Variants in CFDP1 observed in about 807,000 individuals in gnomAD.
CFDP1 encodes the protein heterochromatin-stabilizing protein CFDP1.
Under a neutral mutation model 40.1 loss-of-function variants are expected in CFDP1, and 31 were observed. The observed-to-expected ratio is 0.77, with a 90% CI of 0.58 to 1.04. The LOEUF (loss-of-function observed/expected upper bound fraction) is 1.04. Ranked by LOEUF, CFDP1 falls within the 50% of genes least tolerant of loss-of-function variation. The pLI, the probability that CFDP1 is intolerant of heterozygous loss-of-function variation, is 0.00. For synonymous variants in CFDP1, 167 were observed against 120.0 expected (o/e 1.39, Z -2.56); for missense variants, 423 against 343.4 (o/e 1.23, Z -1.83).
In CFDP1 at chr16:75,294,176, C is replaced by T. The variant is rs921025210; in HGVS notation, c.810-134G>A. ...GTGACCACCCATGACTCTTCCAGTA[C>T]AATCCAAACCACTCACATTTGGTCT... On this transcript the variant is annotated intron_variant, in intron 6 of 6. Coordinates refer to ENST00000283882, the MANE Select transcript of CFDP1 (RefSeq NM_006324.3). The T allele has an allele frequency of 2.4e-5, 15 of 622,784 alleles. 1 individual carries two copies. In the Admixed American group the frequency reaches 3.8e-4, roughly 16 times the overall value. 38.6% of individuals were successfully genotyped at this position (622,784 alleles called of 1,614,324 possible).
chr16:75,383,057 G>A (rs964471945), intron 5 of CFDP1, among the ~76,000 whole-genome samples: 13 of 152,204 alleles, frequency 8.5e-5, no homozygotes, highest in African/African-American at 2.9e-4. Flanking sequence ...TAGGTCTAAA[G>A]ATGAATGTTT....
chr16:75,427,148 A>G (rs1220523500), intron 1 of CFDP1, among the ~76,000 whole-genome samples: 2 of 152,202 alleles, frequency 1.3e-5, no homozygotes, highest in Non-Finnish European at 2.9e-5. Flanking sequence ...TGGACAAAGA[A>G]TTCAAAAGAC....
chr16:75,380,152 A>C (rs1303926865), intron 5 of CFDP1: 1 of 152,266 alleles, frequency 6.6e-6, no homozygotes, highest in East Asian at 1.9e-4. Flanking sequence ...AAAAAAAAGA[A>C]AGAAAAGCTA....
chr16:75,376,994 C>A (rs2078804818), intron 5 of CFDP1, among the ~76,000 whole-genome samples: 1 of 152,240 alleles, frequency 6.6e-6, no homozygotes. Flanking sequence ...TATGCGGTAA[C>A]CCTGCTCTGC....
chr16:75,318,770 G>A (rs1338368800), intron 5 of CFDP1, among the ~76,000 whole-genome samples: 1 of 152,098 alleles, frequency 6.6e-6, no homozygotes, highest in African/African-American at 2.4e-5. Flanking sequence ...TCCCAGGGAT[G>A]CATGTCTCTG....
intron 6 of CFDP1, among the ~76,000 whole-genome samples, chr16:75,300,450 G>C (rs2065789825): frequency 6.6e-6 from 1 of 152,130 alleles, no homozygotes; most frequent in Admixed American, 6.6e-5. Flanking sequence ...ACCACGCCCG[G>C]CTAATTTTTG....
chr16:75,362,703 A>C (rs576604318), intron 5 of CFDP1, among the ~76,000 whole-genome samples: 55 of 152,270 alleles, frequency 3.6e-4, no homozygotes, highest in African/African-American at 1.3e-3. Flanking sequence ...ATTTCCTAAG[A>C]GGGAAAAGAA....
At chr16:75,330,085 T>C (rs2078434275) in intron 5 of CFDP1, among the ~76,000 whole-genome samples, 1 of 152,110 alleles carries the variant, frequency 6.6e-6, no homozygotes, top group Non-Finnish European at 1.5e-5. Flanking sequence ...GGGAACAGAG[T>C]CCCAATATTT....
chr16:75,399,214 A>T (rs1377730354), intron 4 of CFDP1, among the ~76,000 whole-genome samples: 2 of 152,210 alleles, frequency 1.3e-5, no homozygotes. Context: ...ATTATTTTTT[A>T]AAGCCACTAA....
At chr16:75,421,330 G>T (rs2079277449) in intron 1 of CFDP1, among the ~76,000 whole-genome samples, 1 of 152,026 alleles carries the variant, frequency 6.6e-6, no homozygotes, top group African/African-American at 2.4e-5. Flanking sequence ...CATGGCTGTG[G>T]GACAAGGACT....
chr16:75,328,642 A>G (rs1195977140), intron 5 of CFDP1, among the ~76,000 whole-genome samples: 1 of 150,720 alleles, frequency 6.6e-6, no homozygotes, highest in Non-Finnish European at 1.5e-5. Flanking sequence ...GAGGAAGTCA[A>G]TAAATACTGA....
chr16:75,335,181 CT>C (rs992775949), intron 5 of CFDP1, among the ~76,000 whole-genome samples: 1 of 152,192 alleles, frequency 6.6e-6, no homozygotes, highest in African/African-American at 2.4e-5. Context: ...AAGTTCCCCC[CT>C]GGTTGGGCTT....
intron 5 of CFDP1, among the ~76,000 whole-genome samples, chr16:75,374,263 G>T (rs531099662): frequency 9.2e-4 from 140 of 151,880 alleles, no homozygotes; most frequent in African/African-American, 3.4e-3. Flanking sequence ...ATAAATTATA[G>T]AATATTCAAA....
At chr16:75,320,772 G>A (rs1022229291) in intron 5 of CFDP1, among the ~76,000 whole-genome samples, 2 of 152,194 alleles carry the variant, frequency 1.3e-5, no homozygotes, top group Non-Finnish European at 2.9e-5. Context: ...GACATTGATG[G>A]TCTCATGTGA....
In CFDP1 at chr16:75,322,279, T is replaced by C. The variant is rs143589672; in HGVS notation, c.651-17097A>G. The stretch of plus-strand genomic sequence containing the variant: ...TCACCAACACTATTTCGGATCTGTG[T>C]TTTTAAAGCACTTGGGTACAGTGGC... On this transcript the variant is annotated intron_variant, in intron 5 of 6. Coordinates refer to ENST00000283882, the MANE Select transcript of CFDP1 (RefSeq NM_006324.3). Among the ~76,000 whole-genome samples, 215 of 152,352 alleles carry C rather than the reference T, an allele frequency of 1.4e-3. 2 individuals are homozygous for C. Among genetic ancestry groups the C allele is most frequent in the African/African-American group, 4.9e-3 (204 of 41,582 alleles).
intron 6 of CFDP1, among the ~76,000 whole-genome samples, chr16:75,303,400 A>AATGAATGTATGCATGTATGT (rs55834001): frequency 6.8e-6 from 1 of 146,168 alleles, no homozygotes; most frequent in Admixed American, 6.8e-5. Context: ...TAAATAAATA[A>AATGAATGTATGCATGTATGT]ATGTATGTAT....
chr16:75,354,385 A>C (rs1287611977), intron 5 of CFDP1, among the ~76,000 whole-genome samples: 1 of 152,204 alleles, frequency 6.6e-6, no homozygotes, highest in Non-Finnish European at 1.5e-5. Context: ...AGAAAGTTGA[A>C]AGAGATCACA....
At chr16:75,394,089 T>C (rs1031108107) in intron 5 of CFDP1, among the ~76,000 whole-genome samples, 3 of 152,012 alleles carry the variant, frequency 2.0e-5, no homozygotes, top group Non-Finnish European at 4.4e-5. Flanking sequence ...TTACTGCTCA[T>C]AGCAATGACA....
Position 75,385,210 on chromosome 16 carries a change from CG to C in CFDP1, c.650+9879del, listed in dbSNP as rs1438882828. Among the ~76,000 whole-genome samples the C allele has an allele frequency of 1.1e-4, 16 of 151,826 alleles. No individual in the cohort carries two copies. The East Asian group carries it at 3.1e-3, about 29-fold the overall frequency. ...TATTCCAGGCCAAGGTAGTAACTGACGTAAGTATGAATGGAGAATCTTGTGA... is the reference window on the plus strand; with the variant it reads ...TATTCCAGGCCAAGGTAGTAACTGACTAAGTATGAATGGAGAATCTTGTGA... On this transcript the variant is annotated intron_variant, in intron 5 of 6. Transcript: ENST00000283882.
Sources: allele counts gnomAD v4.1 joint callset (sites outside exome capture counted in the v4.1 genomes callset), GRCh38; gene constraint gnomAD v4.1.1; transcripts MANE v1.5; gene names NCBI Gene and HGNC (gene_info 2026-07-23, HGNC 2026-07-21).